The following PCDHA2 variants were observed in gnomAD, a reference collection of about 807,000 sequenced individuals.
The protein encoded by PCDHA2 is protocadherin alpha-2.
In PCDHA2, 58 loss-of-function variants were observed where a neutral mutation model predicts 66.0. The ratio of observed to expected loss-of-function variants is 0.88; its 90% CI spans 0.71 to 1.09. The LOEUF (loss-of-function observed/expected upper bound fraction) is 1.09. Among genes scored for constraint, PCDHA2 ranks in the 50% least tolerant of loss-of-function variants. The probability of loss-of-function intolerance (pLI) is 0.00; values close to 1 mark genes in which losing one functional copy is unlikely to be tolerated. For synonymous variants in PCDHA2, 634 were observed against 554.0 expected (o/e 1.14, Z -2.03); for missense variants, 1,267 against 1,242.3 (o/e 1.02, Z -0.30).
intron 1 of PCDHA2, among the ~76,000 whole-genome samples, chr5:140,951,182 C>T (rs782338729): frequency 9.2e-5 from 14 of 151,876 alleles, no homozygotes; most frequent in East Asian, 1.9e-4. Context: ...AGTCATTGTC[C>T]GCTAATTCCC....
intron 1 of PCDHA2, chr5:140,836,146 G>A (rs2150254083): frequency 6.2e-7 from 1 of 1,613,806 alleles, no homozygotes. Flanking sequence ...GTGGGCGCGG[G>A]CCATGTGGTG....
In PCDHA2 at chr5:140,848,706, C is replaced by T. The variant is rs2150418265; in HGVS notation, c.2388+51354C>T. On this transcript the variant is annotated intron_variant, in intron 1 of 3. Coordinates refer to ENST00000526136, the MANE Select transcript of PCDHA2 (RefSeq NM_018905.3). ...CCTGTTCCAGTTGGATTCCAAAGGC[C>T]GCGGGGACCTTCTGGAGGTAAATCT... 43 of 1,592,328 alleles carry T rather than the reference C, an allele frequency of 2.7e-5. 5 individuals are homozygous for T. In the South Asian group the frequency reaches 4.1e-4, roughly 15 times the overall value.
At chr5:140,969,584 G>C in intron 1 of PCDHA2, 1 of 907,936 alleles carries the variant, frequency 1.1e-6, no homozygotes, top group Non-Finnish European at 1.6e-6. Context: ...GTGAGGATTA[G>C]TCTTAATATT....
intron 1 of PCDHA2, among the ~76,000 whole-genome samples, chr5:140,937,632 G>T (rs1228752133): frequency 1.3e-5 from 2 of 150,132 alleles, no homozygotes; most frequent in Admixed American, 1.3e-4. Flanking sequence ...AAAAAGAAAG[G>T]CAGGGCATGG....
At position 140,842,920 on chromosome 5, in the gene PCDHA2, C is replaced by T. The variant is rs147542523; in HGVS notation, c.2388+45568C>T. 687 of 1,594,406 alleles carry T rather than the reference C, an allele frequency of 4.3e-4. 58 individuals are homozygous for T. Among genetic ancestry groups the T allele is most frequent in the South Asian group, 7.6e-4 (69 of 90,466 alleles). On this transcript the variant is annotated intron_variant, in intron 1 of 3. Transcript: ENST00000526136. ...ACGAGGAGCTAGAGCTGCTGCAGTT[C>T]CAGGTGAGCGCGCGCGACGCGGGCG...
chr5:140,922,162 A>G (rs2080680842), intron 1 of PCDHA2, among the ~76,000 whole-genome samples: 1 of 146,764 alleles, frequency 6.8e-6, no homozygotes, highest in African/African-American at 2.5e-5. Flanking sequence ...AAAAACAACA[A>G]AAAGTACAGC....
In PCDHA2 at chr5:140,969,369, C is replaced by A. The variant is rs782020561; in HGVS notation, c.2389-9580C>A. The A allele has an allele frequency of 1.3e-5, 21 of 1,607,718 alleles. 2 individuals carry two copies. In the South Asian group the frequency reaches 2.3e-4, roughly 18 times the overall value. ...TCAGGGGGTCTTCTACAAACTCATG[C>A]ATTTGTTACACATCCCCCAATATCC... is the stretch of plus-strand genomic sequence containing the variant. On this transcript the variant is annotated intron_variant, in intron 1 of 3. Transcript: ENST00000526136.
At chr5:140,856,964 G>A in intron 1 of PCDHA2, 1 of 1,590,750 alleles carries the variant, frequency 6.3e-7, no homozygotes, top group Non-Finnish European at 8.6e-7. Flanking sequence ...AGTAAATGAT[G>A]CTATTGACTT....
At chr5:140,916,327 A>G (rs1218792272) in intron 1 of PCDHA2, among the ~76,000 whole-genome samples, 5 of 152,226 alleles carry the variant, frequency 3.3e-5, no homozygotes, top group African/African-American at 1.2e-4. Context: ...AGTCCCCTTT[A>G]CTTTTTCCTC....
rs1202814862 is a variant in PCDHA2 at position 140,851,185 on chromosome 5, A to C, written c.2388+53833A>C. On this transcript the variant is annotated intron_variant, in intron 1 of 3. Transcript: ENST00000526136. ...ATGCTGCCATAACACTTGAAAACCA[A>C]TTTAGTTGTTAGTCATTCATTAAAC... The C allele has an allele frequency of 2.4e-6, 3 of 1,237,650 alleles. No individual in the cohort carries two copies. In the African/African-American group the frequency reaches 4.7e-5, roughly 19 times the overall value. The allele number at this position is 1,237,650 out of a possible 1,614,324, so 76.7% of individuals were successfully genotyped here.
intron 1 of PCDHA2, chr5:140,929,822 A>G (rs1554207413): frequency 1.9e-5 from 3 of 157,286 alleles, no homozygotes; most frequent in African/African-American, 2.4e-5. Flanking sequence ...GAAAGGGAAC[A>G]TAAGAGAACA....
intron 1 of PCDHA2, among the ~76,000 whole-genome samples, chr5:140,874,638 C>A (rs2055040349): frequency 6.6e-6 from 1 of 152,272 alleles, no homozygotes; most frequent in South Asian, 2.1e-4. Context: ...AAGTGCTTTA[C>A]TTTTGCTAGA....
At position 140,795,327 on chromosome 5, in the gene PCDHA2, G is replaced by A. The variant is rs781807176; in HGVS notation, c.363G>A (p.Val121=). 1.2e-6 allele frequency: 2 copies of A among 1,614,238 alleles called. No homozygotes were observed. The highest frequency in any genetic ancestry group is 1.7e-6 in the Non-Finnish European group (2 of 1,180,044). The change falls in exon 1 of 4, where the codon GTG becomes GTA. Residue 121 remains valine (V), a synonymous_variant. Transcript: ENST00000526136. The part of the protein sequence containing the change: ...DRPLQVFHVE[V]EVKDINDNPP... ...CGCTGCAGGTTTTCCATGTGGAAGT[G>A]GAGGTGAAGGACATTAACGACAACC...
intron 1 of PCDHA2, among the ~76,000 whole-genome samples, chr5:140,937,039 CTTT>C (rs34994034): frequency 1.4e-5 from 2 of 140,152 alleles, no homozygotes; most frequent in African/African-American, 5.3e-5. Flanking sequence ...TTCCATTTAT[CTTT>C]TTTTTTTTTT....
intron 1 of PCDHA2, among the ~76,000 whole-genome samples, chr5:140,798,755 A>G (rs7701356): frequency 0.054 from 8,158 of 152,250 alleles, 711 homozygotes; most frequent in African/African-American, 0.19. Context: ...TTGGGTAATT[A>G]TAACACTGAA....
chr5:140,901,352 G>T (rs1426715966), intron 1 of PCDHA2, among the ~76,000 whole-genome samples: 2 of 152,138 alleles, frequency 1.3e-5, no homozygotes, highest in East Asian at 3.8e-4. Flanking sequence ...TGATGTCTTA[G>T]ATTTAAGTCT....
In PCDHA2 at chr5:140,987,075, G is replaced by A. The variant is rs564788093; in HGVS notation, c.2536+4512G>A. On this transcript the variant is annotated intron_variant, in intron 3 of 3. Coordinates refer to ENST00000526136, the MANE Select transcript of PCDHA2 (RefSeq NM_018905.3). ...CTAAAGTTACAAAAATGAGCTGGGC[G>A]TGGTGGCAGGTGCCTGTAATCCCAG... is the stretch of plus-strand genomic sequence containing the variant. Among the ~76,000 whole-genome samples the A allele has an allele frequency of 3.7e-4, 57 of 152,124 alleles. No individual in the cohort carries two copies. In the East Asian group the frequency reaches 9.9e-3, roughly 26 times the overall value.
chr5:140,856,501 T>A, intron 1 of PCDHA2: 1 of 1,598,302 alleles, frequency 6.3e-7, no homozygotes, highest in Non-Finnish European at 8.6e-7. Flanking sequence ...ACTCTCGATT[T>A]CCACTAGAAG....
Position 140,856,573 on chromosome 5 carries a change from G to A in PCDHA2, c.2388+59221G>A, listed in dbSNP as rs1168113677. 4.4e-6 allele frequency: 7 copies of A among 1,597,600 alleles called. No individual in the cohort carries two copies. The African/African-American group carries it at 5.4e-5, about 12-fold the overall frequency. ...TTACTTACAAACTCAGTCCAAATGA[G>A]TATTTTGTTCTTGATATTATAAACA... On this transcript the variant is annotated intron_variant, in intron 1 of 3. Transcript: ENST00000526136.
Sources: allele counts gnomAD v4.1 joint callset (sites outside exome capture counted in the v4.1 genomes callset), GRCh38; gene constraint gnomAD v4.1.1; transcripts MANE v1.5; gene names NCBI Gene and HGNC (gene_info 2026-07-23, HGNC 2026-07-21).